The following FHIP1A variants were observed in gnomAD, a reference collection of about 807,000 sequenced individuals.
FHIP1A encodes the protein FHF complex subunit HOOK-interacting protein 1A.
Under a neutral mutation model 88.6 loss-of-function variants are expected in FHIP1A, and 61 were observed. The observed-to-expected ratio is 0.69, with a 90% CI of 0.56 to 0.85. The LOEUF (loss-of-function observed/expected upper bound fraction) is 0.85, where lower values mean the gene tolerates loss of function less well. Ranked by LOEUF, FHIP1A falls within the 40% of genes least tolerant of loss-of-function variation. FHIP1A has a pLI of 0.00. For synonymous variants in FHIP1A, 478 were observed against 496.0 expected (o/e 0.96, Z 0.48); for missense variants, 1,154 against 1,273.5 (o/e 0.91, Z 1.43).
chr4:151,449,027 C>T (rs1225526642), intron 1 of FHIP1A, among the ~76,000 whole-genome samples: 1 of 152,060 alleles, frequency 6.6e-6, no homozygotes, highest in African/African-American at 2.4e-5. Flanking sequence ...ACCACAGTTT[C>T]TAATGATACA....
chr4:151,486,981 A>AAG (rs1263240008), intron 3 of FHIP1A, among the ~76,000 whole-genome samples: 1 of 151,276 alleles, frequency 6.6e-6, no homozygotes, highest in African/African-American at 2.4e-5. Context: ...AAAAAAAAAA[A>AAG]GAAAAATATT....
chr4:151,551,139 G>A (rs1661985050), intron 3 of FHIP1A, among the ~76,000 whole-genome samples: 1 of 152,190 alleles, frequency 6.6e-6, no homozygotes, highest in Non-Finnish European at 1.5e-5. Context: ...GGGAACCTGA[G>A]GGCATCCATT....
At chr4:151,454,315 A>C (rs1193855891) in intron 1 of FHIP1A, among the ~76,000 whole-genome samples, 3 of 152,202 alleles carry the variant, frequency 2.0e-5, no homozygotes, top group Non-Finnish European at 4.4e-5. Flanking sequence ...TGTGAAAGAC[A>C]GGCAGCCATT....
intron 1 of FHIP1A, among the ~76,000 whole-genome samples, chr4:151,448,701 T>G (rs1224651632): frequency 6.6e-6 from 1 of 152,228 alleles, no homozygotes; most frequent in African/African-American, 2.4e-5. Flanking sequence ...GTTTATCATC[T>G]ATCGATGGGC....
At chr4:151,462,718 G>A (rs1729181988) in intron 2 of FHIP1A, among the ~76,000 whole-genome samples, 1 of 152,164 alleles carries the variant, frequency 6.6e-6, no homozygotes, top group Non-Finnish European at 1.5e-5. Context: ...CATAAGATGG[G>A]AGTTGTGAGC....
At chr4:151,431,437 G>A (rs1361796171) in intron 1 of FHIP1A, among the ~76,000 whole-genome samples, 1 of 152,088 alleles carries the variant, frequency 6.6e-6, no homozygotes, top group Admixed American at 6.6e-5. Flanking sequence ...TTAAGCTGGG[G>A]TCATGTTATT....
intron 7 of FHIP1A, among the ~76,000 whole-genome samples, chr4:151,621,588 G>C (rs923747376): frequency 6.7e-6 from 1 of 150,052 alleles, no homozygotes; most frequent in Non-Finnish European, 1.5e-5. Flanking sequence ...GAGTTGGGGG[G>C]GTTGCGTGGA....
intron 3 of FHIP1A, among the ~76,000 whole-genome samples, chr4:151,525,237 C>G (rs1444517382): frequency 2.0e-5 from 3 of 152,184 alleles, no homozygotes; most frequent in Non-Finnish European, 1.5e-5. Flanking sequence ...GCTCAGCACC[C>G]TATTCTGTTT....
chr4:151,446,120 T>C (rs574140974), intron 1 of FHIP1A, among the ~76,000 whole-genome samples: 5 of 152,044 alleles, frequency 3.3e-5, no homozygotes, highest in African/African-American at 9.6e-5. Flanking sequence ...AGTATATCAG[T>C]GTATGAAATT....
intron 1 of FHIP1A, among the ~76,000 whole-genome samples, chr4:151,430,869 C>T (rs1157263056): frequency 6.6e-6 from 1 of 152,200 alleles, no homozygotes; most frequent in East Asian, 1.9e-4. Context: ...TTTACACGGG[C>T]AGTAACAAAA....
chr4:151,530,711 TTG>T (rs920724692), intron 3 of FHIP1A, among the ~76,000 whole-genome samples: 5 of 152,160 alleles, frequency 3.3e-5, no homozygotes, highest in Non-Finnish European at 4.4e-5. Flanking sequence ...TTTGGTGGCG[TTG>T]TAGTGACTAA....
Position 151,617,312 on chromosome 4 carries a change from T to TA in FHIP1A, c.979-12379dup, listed in dbSNP as rs112934447. Among the ~76,000 whole-genome samples, 1,410 of 146,348 alleles carry TA rather than the reference T, an allele frequency of 9.6e-3. 15 individuals are homozygous for TA. The highest frequency in any genetic ancestry group is 0.031 in the African/African-American group (1,245 of 40,112). The stretch of plus-strand genomic sequence containing the variant: ...GAATTTGGAAGTAGTAATTCATACT[T>TA]AAAAAAAAAAACAAATTGGAGTGGT... On this transcript the variant is annotated intron_variant, in intron 7 of 13. Transcript: ENST00000435205.
At chr4:151,543,815 T>C (rs1470794705) in intron 3 of FHIP1A, among the ~76,000 whole-genome samples, 1 of 152,240 alleles carries the variant, frequency 6.6e-6, no homozygotes, top group Non-Finnish European at 1.5e-5. Flanking sequence ...TTTTTATAAC[T>C]AGAAACATTT....
intron 7 of FHIP1A, among the ~76,000 whole-genome samples, chr4:151,603,490 A>G (rs1734954708): frequency 1.3e-5 from 2 of 152,028 alleles, no homozygotes; most frequent in African/African-American, 2.4e-5. Context: ...AAATGTGGGC[A>G]TGCCTCAGGG....
chr4:151,517,195 C>T (rs980328723), intron 3 of FHIP1A, among the ~76,000 whole-genome samples: 45 of 151,958 alleles, frequency 3.0e-4, no homozygotes, highest in Middle Eastern at 3.4e-3. Flanking sequence ...AGTAAACTAT[C>T]GCAAGAACAA....
chr4:151,602,653 A>G (rs1274874426), intron 7 of FHIP1A, among the ~76,000 whole-genome samples: 1 of 152,168 alleles, frequency 6.6e-6, no homozygotes, highest in Non-Finnish European at 1.5e-5. Context: ...GGACTGAGAA[A>G]AGACCCTAAT....
At chr4:151,528,131 G>C (rs1731748286) in intron 3 of FHIP1A, among the ~76,000 whole-genome samples, 1 of 152,182 alleles carries the variant, frequency 6.6e-6, no homozygotes, top group Non-Finnish European at 1.5e-5. Flanking sequence ...CAGCTGCTTG[G>C]TTCTTTTGGT....
chr4:151,536,030 C>G (rs1352191811), intron 3 of FHIP1A, among the ~76,000 whole-genome samples: 1 of 152,118 alleles, frequency 6.6e-6, no homozygotes, highest in Non-Finnish European at 1.5e-5. Context: ...TTGCCAAATG[C>G]CTTCTGGAAA....
intron 11 of FHIP1A, among the ~76,000 whole-genome samples, chr4:151,653,857 G>C (rs987884487): frequency 2.6e-5 from 4 of 152,114 alleles, no homozygotes; most frequent in African/African-American, 9.7e-5. Flanking sequence ...ACGGGAGAGC[G>C]GTGAGTGGAT....
Sources: gnomAD v4.1 joint callset for allele counts (sites outside exome capture counted in the v4.1 genomes callset) on GRCh38, gnomAD v4.1.1 for gene constraint, MANE v1.5 for transcripts, NCBI Gene and HGNC (gene_info 2026-07-23, HGNC 2026-07-21) for gene names.